The following BRINP3 variants were observed in gnomAD, a reference collection of about 807,000 sequenced individuals.
BRINP3 encodes BMP/retinoic acid inducible neural specific 3.
A neutral mutation model predicts 71.0 loss-of-function variants in BRINP3; 19 were observed. The ratio of observed to expected loss-of-function variants is 0.27; its 90% CI spans 0.19 to 0.39. BRINP3 has a LOEUF of 0.39. BRINP3 is among the 10% of genes least tolerant of loss of function. The pLI is 1.00. For missense variants in BRINP3, 959 were observed against 940.8 expected, an observed-to-expected ratio of 1.02 and a Z score of -0.25; for synonymous variants, 380 against 337.7, an observed-to-expected ratio of 1.13 and a Z score of -1.37.
chr1:190,290,665 C>T (rs1638576737), intron 2 of BRINP3, among the ~76,000 whole-genome samples: 1 of 152,178 alleles, frequency 6.6e-6, no homozygotes, highest in African/African-American at 2.4e-5. Context: ...TGTTTCTAAG[C>T]GATCAACCTA....
At chr1:190,411,010 C>A (rs898199753) in intron 2 of BRINP3, among the ~76,000 whole-genome samples, 3 of 152,148 alleles carry the variant, frequency 2.0e-5, no homozygotes, top group African/African-American at 7.2e-5. Context: ...ACCAAGACGA[C>A]TCCTGATAAA....
At chr1:190,315,712 G>T (rs1273981105) in intron 2 of BRINP3, among the ~76,000 whole-genome samples, 1 of 152,082 alleles carries the variant, frequency 6.6e-6, no homozygotes, top group Non-Finnish European at 1.5e-5. Context: ...TAGATCCAAA[G>T]ATCTTGGGTA....
At chr1:190,188,993 C>T (rs970557004) in intron 6 of BRINP3, among the ~76,000 whole-genome samples, 6 of 152,236 alleles carry the variant, frequency 3.9e-5, no homozygotes, top group Admixed American at 6.5e-5. Context: ...AACTCCTGAC[C>T]TCATGATCTG....
chr1:190,190,754 A>G (rs887698520), intron 6 of BRINP3, among the ~76,000 whole-genome samples: 5 of 152,124 alleles, frequency 3.3e-5, no homozygotes, highest in African/African-American at 1.2e-4. Context: ...CTCTAAGATT[A>G]AAAACACCCT....
chr1:190,164,264 T>C (rs1651281808), intron 6 of BRINP3, among the ~76,000 whole-genome samples: 1 of 152,150 alleles, frequency 6.6e-6, no homozygotes, highest in Non-Finnish European at 1.5e-5. Flanking sequence ...GCATTCTAAG[T>C]TTTCTAGAGT....
intron 2 of BRINP3, among the ~76,000 whole-genome samples, chr1:190,440,895 T>TA (rs1234904735): frequency 6.6e-6 from 1 of 151,864 alleles, no homozygotes; most frequent in Non-Finnish European, 1.5e-5. Context: ...ACAATTCTAA[T>TA]AAAAAACTGA....
intron 2 of BRINP3, among the ~76,000 whole-genome samples, chr1:190,341,442 T>G (rs1667648627): frequency 6.6e-6 from 1 of 151,862 alleles, no homozygotes; most frequent in Non-Finnish European, 1.5e-5. Context: ...TTTCTTTCAG[T>G]GTGTGTTCCC....
intron 2 of BRINP3, among the ~76,000 whole-genome samples, chr1:190,306,087 G>A (rs1162286156): frequency 6.6e-6 from 1 of 151,740 alleles, no homozygotes; most frequent in African/African-American, 2.4e-5. Flanking sequence ...TTATATCAAT[G>A]TTCTCATTCT....
At chr1:190,155,993 T>A (rs1656832790) in intron 7 of BRINP3, among the ~76,000 whole-genome samples, 1 of 152,118 alleles carries the variant, frequency 6.6e-6, no homozygotes, top group Non-Finnish European at 1.5e-5. Flanking sequence ...TATCTTGTGA[T>A]GAAATTAGTA....
chr1:190,226,461 T>C (rs1657388361), intron 5 of BRINP3, 143 bp from the exon 6 acceptor site: 1 of 490,636 alleles, frequency 2.0e-6, no homozygotes, highest in Non-Finnish European at 3.5e-6. Context: ...CAGAAAAATA[T>C]CTAAGTCTAT....
At chr1:190,122,981 G>A (rs752826695) in intron 7 of BRINP3, among the ~76,000 whole-genome samples, 2 of 150,960 alleles carry the variant, frequency 1.3e-5, no homozygotes, top group African/African-American at 5.0e-5. Context: ...TTATCCTTCT[G>A]TTGGGACAGA....
At chr1:190,366,949 C>G (rs1669544607) in intron 2 of BRINP3, among the ~76,000 whole-genome samples, 1 of 152,216 alleles carries the variant, frequency 6.6e-6, no homozygotes, top group Admixed American at 6.5e-5. Context: ...CAGCTAGTTT[C>G]ATGGGCTGGC....
intron 2 of BRINP3, among the ~76,000 whole-genome samples, chr1:190,367,471 C>G (rs1669584153): frequency 6.6e-6 from 1 of 152,208 alleles, no homozygotes; most frequent in Non-Finnish European, 1.5e-5. Context: ...CTGCAAAGGT[C>G]TCTGACATGC....
intron 2 of BRINP3, among the ~76,000 whole-genome samples, chr1:190,291,647 A>C (rs1663876508): frequency 6.6e-6 from 1 of 152,150 alleles, no homozygotes; most frequent in Non-Finnish European, 1.5e-5. Flanking sequence ...TAAAAAGACA[A>C]AAGTTAACAA....
At chr1:190,140,142 G>A (rs1231907310) in intron 7 of BRINP3, among the ~76,000 whole-genome samples, 1 of 152,082 alleles carries the variant, frequency 6.6e-6, no homozygotes, top group Non-Finnish European at 1.5e-5. Context: ...AAACAGCTAA[G>A]CTGCACTTAA....
intron 1 of BRINP3, among the ~76,000 whole-genome samples, chr1:190,470,022 A>G (rs1355600070): frequency 6.6e-6 from 1 of 151,096 alleles, no homozygotes; most frequent in Non-Finnish European, 1.5e-5. Flanking sequence ...AATTTAATGA[A>G]TCTGTAAAAT....
At chr1:190,122,370 T>C (rs1021537266) in intron 7 of BRINP3, among the ~76,000 whole-genome samples, 3 of 152,016 alleles carry the variant, frequency 2.0e-5, no homozygotes. Flanking sequence ...TTTGCAGATA[T>C]AATTGGTTAA....
chr1:190,326,858 AC>A (rs1666610131), intron 2 of BRINP3, among the ~76,000 whole-genome samples: 1 of 152,082 alleles, frequency 6.6e-6, no homozygotes, highest in Admixed American at 6.6e-5. Context: ...ACGCTTAAGT[AC>A]ATAGCCCACA....
At chr1:190,358,660 A>G (rs954289060) in intron 2 of BRINP3, among the ~76,000 whole-genome samples, 4 of 152,096 alleles carry the variant, frequency 2.6e-5, no homozygotes, top group Non-Finnish European at 4.4e-5. Flanking sequence ...TCCCATTACT[A>G]GGTATATACC....
Sources: allele counts gnomAD v4.1 joint callset (sites outside exome capture counted in the v4.1 genomes callset), GRCh38; gene constraint gnomAD v4.1.1; transcripts MANE v1.5; gene names NCBI Gene and HGNC (gene_info 2026-07-23, HGNC 2026-07-21).